RPL24: variants seen among roughly 807,000 people sequenced by gnomAD.
RPL24 encodes large ribosomal subunit protein eL24.
In RPL24, 7 loss-of-function variants were observed where a neutral mutation model predicts 26.4. The observed-to-expected ratio is 0.27, with a 90% CI of 0.15 to 0.50. The LOEUF (loss-of-function observed/expected upper bound fraction) is 0.50, where lower values mean the gene tolerates loss of function less well. Among genes scored for constraint, RPL24 ranks in the 20% least tolerant of loss-of-function variants. The pLI is 0.98. For synonymous variants in RPL24, 67 were observed against 65.2 expected (o/e 1.03, Z -0.13); for missense variants, 109 against 194.9 (o/e 0.56, Z 2.62).
chr3:101,685,364 C>T (rs190687914), intron 3 of RPL24, among the ~76,000 whole-genome samples: 14 of 152,314 alleles, frequency 9.2e-5, no homozygotes, highest in Admixed American at 9.1e-4. Flanking sequence ...CCTACCATGG[C>T]ACTCAAACTT....
chr3:101,681,351 A>T, intron 5 of RPL24, 136 bp from the exon 6 acceptor site: 1 of 653,714 alleles, frequency 1.5e-6, no homozygotes, highest in Non-Finnish European at 2.8e-6. Flanking sequence ...CCAATCTTTT[A>T]ATGTGACTAC....
intron 3 of RPL24, among the ~76,000 whole-genome samples, chr3:101,685,302 C>T (rs1191261315): frequency 2.0e-5 from 3 of 152,088 alleles, no homozygotes; most frequent in Non-Finnish European, 4.4e-5. Flanking sequence ...CTAGAAAAGT[C>T]CTTCATCCAG....
intron 3 of RPL24, among the ~76,000 whole-genome samples, chr3:101,684,312 C>G (rs569588281): frequency 5.9e-5 from 9 of 152,120 alleles, no homozygotes; most frequent in African/African-American, 1.7e-4. Context: ...ACTACAGGCA[C>G]CTGCCACCAT....
chr3:101,686,464 G>A lies in RPL24; in HGVS notation c.81+18C>T. ...CTCGGAGTACAAGAAGGTAGGTGAA[G>A]CCGACGCGGCTTTTTACCTTCCCGT... On this transcript the variant is annotated intron_variant, in intron 2 of 5. Transcript: ENST00000394077. The A allele has an allele frequency of 1.2e-6, 2 of 1,611,340 alleles. No homozygotes were observed. Among genetic ancestry groups the A allele is most frequent in the Non-Finnish European group, 8.5e-7 (1 of 1,178,388 alleles).
In RPL24 at chr3:101,686,536, G is replaced by A. The variant is rs1322331130; in HGVS notation, c.27C>T (p.Ser9=). MKVELCSF[S]GYKIYPGHGR... ...CGTGTCCGGGGTAGATCTTGTACCC[G>A]CTAAAACTGCACAGCTCGACCCTGC... The change falls in exon 2 of 6, where the codon AGC becomes AGT. Residue 9 remains serine, a synonymous_variant. Coordinates refer to ENST00000394077, the MANE Select transcript of RPL24 (RefSeq NM_000986.4). 6.2e-7 allele frequency: 1 copy of A among 1,614,100 alleles called. No homozygotes were observed. Among genetic ancestry groups the A allele is most frequent in the Admixed American group, 1.7e-5 (1 of 60,014 alleles).
intron 5 of RPL24, chr3:101,681,851 A>AAAACAAAC (rs71625594): frequency 2.6e-5 from 4 of 153,178 alleles, no homozygotes; most frequent in African/African-American, 7.3e-5. Context: ...AAGGGGGAAA[A>AAAACAAAC]AAACAAACAA....
rs763807348 is a variant in RPL24 at position 101,686,455 on chromosome 3, G to A, written c.81+27C>T. 18 of 1,605,188 alleles carry A rather than the reference G, an allele frequency of 1.1e-5. No individual in the cohort carries two copies. In the South Asian group the frequency reaches 1.9e-4, roughly 17 times the overall value. On this transcript the variant is annotated intron_variant, in intron 2 of 5. Coordinates refer to ENST00000394077, the MANE Select transcript of RPL24 (RefSeq NM_000986.4). ...CCTTTCCTCCTCGGAGTACAAGAAGGTAGGTGAAGCCGACGCGGCTTTTTA... is the reference window on the plus strand; with the variant it reads ...CCTTTCCTCCTCGGAGTACAAGAAGATAGGTGAAGCCGACGCGGCTTTTTA...
intron 2 of RPL24, chr3:101,686,225 CCT>C: frequency 1.7e-6 from 1 of 582,446 alleles, no homozygotes; most frequent in Non-Finnish European, 3.1e-6. Context: ...CCAAAGGGTA[CCT>C]CCGTACCTCA....
chr3:101,682,677 ATATAT>A, intron 4 of RPL24, 89 bp downstream of exon 4: 1 of 1,324,878 alleles, frequency 7.5e-7, no homozygotes, highest in Non-Finnish European at 1.1e-6. Flanking sequence ...TCAGCTTAAC[ATATAT>A]TAATCTATAT....
At chr3:101,684,282 C>G (rs1340027779) in intron 3 of RPL24, among the ~76,000 whole-genome samples, 3 of 152,084 alleles carry the variant, frequency 2.0e-5, no homozygotes, top group Non-Finnish European at 4.4e-5. Flanking sequence ...TCTCCTGCCT[C>G]AGCCTCCCAA....
chr3:101,684,270 A>C (rs1937301207), intron 3 of RPL24, among the ~76,000 whole-genome samples: 1 of 151,178 alleles, frequency 6.6e-6, no homozygotes, highest in Non-Finnish European at 1.5e-5. Flanking sequence ...GGTTCAAGCT[A>C]TTCTCCTGCC....
intron 2 of RPL24, chr3:101,686,208 C>T: frequency 1.7e-6 from 1 of 577,584 alleles, no homozygotes; most frequent in Non-Finnish European, 3.1e-6. Flanking sequence ...TTGTCCGTCC[C>T]AGGATTCCAA....
At chr3:101,686,209 A>G in intron 2 of RPL24, 1 of 577,542 alleles carries the variant, frequency 1.7e-6, no homozygotes, top group Admixed American at 3.1e-5. Flanking sequence ...TGTCCGTCCC[A>G]GGATTCCAAA....
intron 5 of RPL24, 118 bp downstream of exon 5, chr3:101,682,311 A>C: frequency 1.2e-6 from 1 of 800,914 alleles, no homozygotes; most frequent in Admixed American, 1.9e-5. Context: ...GGTTGCAGTG[A>C]GCTGAGATCA....
chr3:101,683,712 T>C (rs368865310), intron 3 of RPL24, among the ~76,000 whole-genome samples: 77 of 150,844 alleles, frequency 5.1e-4, no homozygotes, highest in Middle Eastern at 3.4e-3. Flanking sequence ...CTTTTCTTTT[T>C]TTTTTTTTTT....
chr3:101,681,636 A>G, intron 5 of RPL24: 1 of 160,694 alleles, frequency 6.2e-6, no homozygotes, highest in Admixed American at 6.2e-5. Flanking sequence ...GCTTGAGCTC[A>G]GGAGTTTGAG....
At chr3:101,681,476 A>T (rs928848511) in intron 5 of RPL24, 1 of 425,302 alleles carries the variant, frequency 2.4e-6, no homozygotes, top group Non-Finnish European at 4.3e-6. Context: ...ATGCATCCTA[A>T]CAGAAACTCA....
intron 4 of RPL24, 91 bp downstream of exon 4, chr3:101,682,680 T>TAG: frequency 7.5e-7 from 1 of 1,333,494 alleles, no homozygotes; most frequent in Non-Finnish European, 1.1e-6. Flanking sequence ...GCTTAACATA[T>TAG]ATTAATCTAT....
intron 1 of RPL24, 22 bp downstream of exon 1, chr3:101,686,650 G>A (rs868509684): frequency 1.2e-6 from 2 of 1,614,222 alleles, no homozygotes; most frequent in Middle Eastern, 3.3e-4. Flanking sequence ...TAAGCGGATT[G>A]GGAACCACGG....
Sources: allele counts gnomAD v4.1 joint callset (sites outside exome capture counted in the v4.1 genomes callset), GRCh38; gene constraint gnomAD v4.1.1; transcripts MANE v1.5; gene names NCBI Gene and HGNC (gene_info 2026-07-23, HGNC 2026-07-21).